Variants in MYCBP2 observed in about 807,000 individuals in gnomAD.
The protein encoded by MYCBP2 is E3 ubiquitin-protein ligase MYCBP2.
In MYCBP2, 120 loss-of-function variants were observed where a neutral mutation model predicts 525.3. The ratio of observed to expected loss-of-function variants is 0.23; its 90% CI spans 0.20 to 0.27. The LOEUF (loss-of-function observed/expected upper bound fraction) is 0.27. Ranked by LOEUF, MYCBP2 falls within the 10% of genes least tolerant of loss-of-function variation. MYCBP2 has a pLI of 1.00. For missense variants in MYCBP2, 4,149 were observed against 5,657.1 expected (o/e 0.73, Z 8.55); for synonymous variants, 1,894 against 1,955.8 (o/e 0.97, Z 0.83).
chr13:77,290,424 T>A (rs1177566142), intron 2 of MYCBP2, among the ~76,000 whole-genome samples: 1 of 152,236 alleles, frequency 6.6e-6, no homozygotes, highest in Admixed American at 6.5e-5. Flanking sequence ...ATGTTCGTAA[T>A]AGCATTCTTT....
chr13:77,140,115 G>A lies in MYCBP2; in HGVS notation c.7450C>T (p.His2484Tyr). The A allele has an allele frequency of 1.9e-6, 3 of 1,613,302 alleles. No individual in the cohort carries two copies. Among genetic ancestry groups the A allele is most frequent in the Non-Finnish European group, 2.5e-6 (3 of 1,179,836 alleles). ...KDSAGLRIRS[H>Y]PSLQSEQIGI... is the part of the protein sequence containing the mutation. ...ATCTGCTCACTCTGAAGGGAAGGGTGGCTACGGATGCGAAGCCCCGCACTG... is the reference window on the plus strand; with the variant it reads ...ATCTGCTCACTCTGAAGGGAAGGGTAGCTACGGATGCGAAGCCCCGCACTG... The change falls in exon 51 of 83, where the codon CAC becomes TAC. Residue 2484 changes from histidine to tyrosine, a missense_variant. Physicochemically the swap from His to Tyr is moderately conservative, Grantham distance 83. Around this residue, in one of 21 missense-constraint regions of MYCBP2, gnomAD observed 692 missense variants for 852.7 expected, o/e 0.81. Transcript: ENST00000544440.
At chr13:77,286,589 T>C (rs1462595978) in intron 3 of MYCBP2, among the ~76,000 whole-genome samples, 10 of 147,860 alleles carry the variant, frequency 6.8e-5, no homozygotes, top group Non-Finnish European at 1.0e-4. Context: ...CCGTCTCTAC[T>C]AAAAATACAA....
chr13:77,188,805 G>T, intron 30 of MYCBP2, 146 bp downstream of exon 30: 1 of 469,736 alleles, frequency 2.1e-6, no homozygotes, highest in Non-Finnish European at 3.7e-6. Flanking sequence ...TTTATCTGTG[G>T]TCTAGAATAT....
intron 34 of MYCBP2, among the ~76,000 whole-genome samples, chr13:77,179,748 T>C (rs1566829022): frequency 6.6e-6 from 1 of 152,204 alleles, no homozygotes; most frequent in African/African-American, 2.4e-5. Flanking sequence ...AGTCTAAACC[T>C]CATTACCTTT....
chr13:77,265,683 A>G (rs1427093942), intron 8 of MYCBP2, among the ~76,000 whole-genome samples: 3 of 152,190 alleles, frequency 2.0e-5, no homozygotes, highest in Non-Finnish European at 2.9e-5. Context: ...TTGGAAGGCT[A>G]CAGAGCAGAG....
At chr13:77,279,072 G>T (rs1190705968) in intron 3 of MYCBP2, among the ~76,000 whole-genome samples, 161 bp from the exon 4 acceptor site, 3 of 152,146 alleles carry the variant, frequency 2.0e-5, no homozygotes, top group Non-Finnish European at 4.4e-5. Context: ...CAATGAACTA[G>T]AGACTAGATT....
intron 27 of MYCBP2, among the ~76,000 whole-genome samples, chr13:77,192,100 T>C (rs1408473153): frequency 6.6e-6 from 1 of 152,244 alleles, no homozygotes; most frequent in Non-Finnish European, 1.5e-5. Context: ...TAAACTGATA[T>C]TAAAAAACAT....
intron 46 of MYCBP2, among the ~76,000 whole-genome samples, chr13:77,151,575 T>C (rs1211964817): frequency 6.6e-6 from 1 of 152,182 alleles, no homozygotes; most frequent in African/African-American, 2.4e-5. Flanking sequence ...AAGAATAAAA[T>C]GGGACTATCT....
rs548646689 is a variant in MYCBP2 at position 77,227,343 on chromosome 13, T to TA, written c.2738-1790dup. ...AAATTAAATCAAAGAATGGATGGAC[T>TA]AAAAAAAAAAAAAAAAAACCAACAA... On this transcript the variant is annotated intron_variant, in intron 18 of 82. Transcript: ENST00000544440. 3.9e-3 allele frequency among the ~76,000 whole-genome samples: 334 copies of TA among 85,298 alleles called. 1 individual carries two copies. Among genetic ancestry groups the TA allele is most frequent in the African/African-American group, 8.7e-3 (208 of 23,936 alleles). The allele number at this position is 85,298 out of a possible 152,430, so 56.0% of individuals were successfully genotyped here. A position where few individuals can be genotyped will look rare whatever the true frequency, so the allele number is the denominator to read the frequency against.
intron 73 of MYCBP2, among the ~76,000 whole-genome samples, chr13:77,064,182 T>C (rs1293673620): frequency 2.0e-5 from 3 of 152,214 alleles, no homozygotes; most frequent in Admixed American, 2.0e-4. Context: ...AAGTAAGACC[T>C]ATAAATCCTG....
At position 77,051,968 on chromosome 13, in the gene MYCBP2, C is replaced by T. The variant is rs773567589; in HGVS notation, c.13648-50G>A. ...ACAGCAGGAAAAAAGAAAACTCTGG[C>T]ATGGGAGATACAGTATGGGCATAGT... is the stretch of plus-strand genomic sequence containing the variant. On this transcript the variant is annotated intron_variant, in intron 80 of 82. Coordinates refer to ENST00000544440, the MANE Select transcript of MYCBP2 (RefSeq NM_015057.5). 5.0e-6 allele frequency: 7 copies of T among 1,396,762 alleles called. No individual in the cohort carries two copies. The South Asian group carries it at 8.2e-5, about 16-fold the overall frequency. 86.5% of individuals were successfully genotyped at this position (1,396,762 alleles called of 1,614,324 possible).
rs748613797 is a variant in MYCBP2 at position 77,067,685 on chromosome 13, G to A, written c.12351C>T (p.Leu4117=). The A allele has an allele frequency of 6.2e-7, 1 of 1,614,134 alleles. No individual in the cohort carries two copies. Among genetic ancestry groups the A allele is most frequent in the Non-Finnish European group, 8.5e-7 (1 of 1,180,018 alleles). ...TTCCTTTGGCTTTTAGCTGTACAGT[G>A]AGTGCTTTGGCAATGCATCCTAGAA... ...DMFLGCIAKA[L]TVQLKAKGTT... Residue 4117 remains leucine, a synonymous_variant, in exon 71 of 83, where the codon CTC becomes CTT. Coordinates refer to ENST00000544440, the MANE Select transcript of MYCBP2 (RefSeq NM_015057.5).
chr13:77,255,867 C>T (rs1049077422), intron 14 of MYCBP2, among the ~76,000 whole-genome samples: 1 of 151,950 alleles, frequency 6.6e-6, no homozygotes, highest in East Asian at 1.9e-4. Context: ...ATTATTGGTA[C>T]TTTAACCAAA....
At chr13:77,211,096 A>G (rs2063947209) in intron 23 of MYCBP2, 71 bp downstream of exon 23, 2 of 1,222,594 alleles carry the variant, frequency 1.6e-6, no homozygotes, top group Non-Finnish European at 2.1e-6. Flanking sequence ...ACCTGTAAAT[A>G]AAGTTTATAT....
intron 1 of MYCBP2, among the ~76,000 whole-genome samples, chr13:77,300,532 G>T (rs117193528): frequency 0.011 from 1,638 of 152,226 alleles, 6 homozygotes; most frequent in African/African-American, 0.015. Flanking sequence ...CAAGAATTGG[G>T]CCTCATTGGT....
intron 42 of MYCBP2, among the ~76,000 whole-genome samples, chr13:77,164,898 G>A (rs1483339823): frequency 6.6e-6 from 1 of 152,074 alleles, no homozygotes; most frequent in Admixed American, 6.6e-5. Context: ...GCAGGTTCAG[G>A]GCAGGTATAA....
chr13:77,114,774 TA>T (rs573023373), intron 55 of MYCBP2, among the ~76,000 whole-genome samples: 2 of 152,052 alleles, frequency 1.3e-5, no homozygotes, highest in African/African-American at 2.4e-5. Context: ...CATTATAAAA[TA>T]AAAAAAGTAT....
chr13:77,327,059 C>T lies in MYCBP2; in HGVS notation c.-284G>A. 4.6e-6 allele frequency: 2 copies of T among 437,342 alleles called. No individual in the cohort carries two copies. Among genetic ancestry groups the T allele is most frequent in the East Asian group, 3.5e-5 (1 of 28,310 alleles). The allele number at this position is 437,342 out of a possible 1,614,324, so 27.1% of individuals were successfully genotyped here. On this transcript the variant is annotated 5_prime_UTR_variant, in exon 1 of 83. Coordinates refer to ENST00000544440, the MANE Select transcript of MYCBP2 (RefSeq NM_015057.5). ...CTGCCGCCGCCACCACCGCTACCAC[C>T]GCCACCACCGCCGGGGCTACCCGCA...
rs760745144 is a variant in MYCBP2 at position 77,260,522 on chromosome 13, T to C, written c.1923A>G (p.Val641=). 4 of 1,611,796 alleles carry C rather than the reference T, an allele frequency of 2.5e-6. No homozygotes were observed. Among genetic ancestry groups the C allele is most frequent in the Non-Finnish European group, 3.4e-6 (4 of 1,178,738 alleles). Residue 641 remains valine (V), a synonymous_variant, in exon 13 of 83, where the codon GTA becomes GTG. Coordinates refer to ENST00000544440, the MANE Select transcript of MYCBP2 (RefSeq NM_015057.5). ...KIIKMEGKIV[V]YTACNNGSSS... The stretch of plus-strand genomic sequence containing the variant: ...TACTTCCATTATTGCAGGCTGTATA[T>C]ACCACAATCTTTCCTTCCATCTTAA...
Sources: allele counts gnomAD v4.1 joint callset (sites outside exome capture counted in the v4.1 genomes callset), GRCh38; gene constraint gnomAD v4.1.1; regional missense constraint gnomAD v4.1.1; transcripts MANE v1.5; gene names NCBI Gene and HGNC (gene_info 2026-07-23, HGNC 2026-07-21).